TUFM: variants seen among roughly 807,000 people sequenced by gnomAD.
TUFM encodes the protein elongation factor Tu, mitochondrial.
A neutral mutation model predicts 45.0 loss-of-function variants in TUFM; 23 were observed. The observed-to-expected ratio is 0.51, with a 90% confidence interval of 0.37 to 0.72. TUFM has a LOEUF of 0.72. Ranked by LOEUF, TUFM falls within the 30% of genes least tolerant of loss-of-function variation. The pLI is 0.00. For synonymous variants in TUFM, 243 were observed against 252.9 expected, an observed-to-expected ratio of 0.96 and a Z score of 0.37; for missense variants, 490 against 610.7, an observed-to-expected ratio of 0.80 and a Z score of 2.08.
rs760889443 is a variant in TUFM at position 28,846,140 on chromosome 16, A to G, written c.53-34T>C. On this transcript the variant is annotated intron_variant, in intron 1 of 9. Transcript: ENST00000313511. ...ACCGAAGCTTGGAGTCAGGCAGGGA[A>G]GGGGTCAGACCGAACCCAGCCACCT... 1.9e-6 allele frequency: 3 copies of G among 1,611,736 alleles called. No individual in the cohort carries two copies. In the East Asian group the frequency reaches 6.7e-5, roughly 36 times the overall value.
At position 28,843,095 on chromosome 16, in the gene TUFM, T is replaced by A; in HGVS notation, c.1248A>T (p.Pro416=). Residue 416 remains proline, a synonymous_variant, in exon 10 of 10, where the codon CCA becomes CCT. Coordinates refer to ENST00000313511, the MANE Select transcript of TUFM (RefSeq NM_003321.5). ...AACGCTGGCCTTTCTCTAAGATCAT[T>A]GGCTGCCGCAAGATTAGGTTGAACT... ...DLKFNLILRQ[P]MILEKGQRFT... is the part of the protein sequence containing the mutation. 3 of 1,614,228 alleles carry A rather than the reference T, an allele frequency of 1.9e-6. No homozygotes were observed. Among genetic ancestry groups the A allele is most frequent in the Non-Finnish European group, 2.5e-6 (3 of 1,180,038 alleles).
At position 28,845,423 on chromosome 16, in the gene TUFM, G is replaced by A. The variant is rs760784369; in HGVS notation, c.305C>T (p.Pro102Leu). Reference protein sequence around the residue: ...FKKYEEIDNAPEERARGITIN... With the variant: ...FKKYEEIDNALEERARGITIN... ...GGTGATACCCCGAGCTCGCTCCTCC[G>A]GGGCATTGTCAATCTCCTCGTACTT... The change falls in exon 3 of 10, where the codon CCG becomes CTG. Residue 102 changes from proline (P) to leucine (L), a missense_variant. Physicochemically the swap from Pro to Leu is moderately conservative, Grantham distance 98. Transcript: ENST00000313511. 1 of 1,613,878 alleles carries A rather than the reference G, an allele frequency of 6.2e-7. No individual in the cohort carries two copies. Among genetic ancestry groups the A allele is most frequent in the South Asian group, 1.1e-5 (1 of 91,078 alleles).
At position 28,843,980 on chromosome 16, in the gene TUFM, G is replaced by A. The variant is rs1961865156; in HGVS notation, c.1044C>T (p.Ser348=). The change falls in exon 8 of 10, where the codon TCC becomes TCT. Residue 348 remains serine, a synonymous_variant. Transcript: ENST00000313511. ...CCTCCACCTTCTGGTGGGGCTTGAT[G>A]GAACCTGGCTTGACCATGACCAGGC... ...RRGLVMVKPG[S]IKPHQKVEAQ... 5 of 1,614,158 alleles carry A rather than the reference G, an allele frequency of 3.1e-6. No individual in the cohort carries two copies. The East Asian group carries it at 8.9e-5, about 29-fold the overall frequency.
chr16:28,844,435 C>A lies in TUFM; in HGVS notation c.801G>T (p.Ala267=). ...AGTCCTCACCAGGGACGGAGTACAC[C>A]GCCTCCACAGGCAGCAGGAAAGGCT... ...LEKPFLLPVE[A]VYSVPGRGTV... The change falls in exon 6 of 10, where the codon GCG becomes GCT. Residue 267 remains alanine, a synonymous_variant. Transcript: ENST00000313511. This position sits in a 1 kb window ranked among gnomAD's most constrained non-coding sequence, Gnocchi z 5.8. 1 of 1,614,124 alleles carries A rather than the reference C, an allele frequency of 6.2e-7. No individual in the cohort carries two copies. Among genetic ancestry groups the A allele is most frequent in the Non-Finnish European group, 8.5e-7 (1 of 1,180,022 alleles).
rs370847743 is a variant in TUFM, at chr16:28,844,977, G to C, written c.493C>G (p.Arg165Gly). 6.2e-7 allele frequency: 1 copy of C among 1,614,124 alleles called. No individual in the cohort carries two copies. Among genetic ancestry groups the C allele is most frequent in the Non-Finnish European group, 8.5e-7 (1 of 1,180,026 alleles). The change falls in exon 4 of 10, where the codon CGA becomes GGA. Residue 165 changes from arginine to glycine, a missense_variant. Transcript: ENST00000313511. This position sits in a 1 kb window ranked among gnomAD's most constrained non-coding sequence, Gnocchi z 5.8. ...TGTCTGGCCAGTAATAAGTGCTCTC[G>C]GGTCTGGGGCATGGGGCCGTCATTG... ...AANDGPMPQT[R>G]EHLLLARQIG...
intron 3 of TUFM, 99 bp downstream of exon 3, chr16:28,845,215 C>A: frequency 6.2e-7 from 1 of 1,602,354 alleles, no homozygotes; most frequent in South Asian, 1.1e-5. Flanking sequence ...CATCTCATAC[C>A]CAAACACTGA....
chr16:28,844,970 T>C lies in TUFM; in HGVS notation c.500A>G (p.His167Arg). 1 of 1,614,096 alleles carries C rather than the reference T, an allele frequency of 6.2e-7. No homozygotes were observed. The highest frequency in any genetic ancestry group is 8.5e-7 in the Non-Finnish European group (1 of 1,180,006). ...NDGPMPQTRE[H>R]LLLARQIGVE... is the part of the protein sequence containing the mutation. ...GAGTACCTGTCTGGCCAGTAATAAGTGCTCTCGGGTCTGGGGCATGGGGCC... is the reference window on the plus strand; with the variant it reads ...GAGTACCTGTCTGGCCAGTAATAAGCGCTCTCGGGTCTGGGGCATGGGGCC... Residue 167 changes from histidine to arginine, a missense_variant, in exon 4 of 10, where the codon CAC becomes CGC. By Grantham distance (29) the His-to-Arg change is conservative (BLOSUM62 0). Coordinates refer to ENST00000313511, the MANE Select transcript of TUFM (RefSeq NM_003321.5). The surrounding 1 kb of genome is among the most constrained non-coding windows in gnomAD (Gnocchi z 5.8).
intron 2 of TUFM, 140 bp downstream of exon 2, chr16:28,845,770 ATC>A (rs1026364414): frequency 9.4e-7 from 1 of 1,062,748 alleles, no homozygotes; most frequent in Non-Finnish European, 1.4e-6. Context: ...TGTCTCTTGC[ATC>A]TCCCAATCCA....
chr16:28,843,223 G>A, intron 9 of TUFM, 75 bp from the exon 10 acceptor site: 1 of 1,491,214 alleles, frequency 6.7e-7, no homozygotes, highest in Non-Finnish European at 9.3e-7. Context: ...GGCTACCTCG[G>A]AGGTTAAGAG....
Position 28,842,924 on chromosome 16 carries a change from T to C in TUFM, c.*51A>G. On this transcript the variant is annotated 3_prime_UTR_variant, in exon 10 of 10. Transcript: ENST00000313511. ...GGGTACTGGAAGCAGGAGGGAGCCCTGGCTAGGGCAGGCCTTAAACGCAAG... is the reference window on the plus strand; with the variant it reads ...GGGTACTGGAAGCAGGAGGGAGCCCCGGCTAGGGCAGGCCTTAAACGCAAG... The C allele has an allele frequency of 6.2e-7, 1 of 1,611,410 alleles. No homozygotes were observed. The highest frequency in any genetic ancestry group is 8.5e-7 in the Non-Finnish European group (1 of 1,178,822).
In TUFM at chr16:28,844,693, T is replaced by C. The variant is rs749952811; in HGVS notation, c.684+5A>G. The C allele has an allele frequency of 6.2e-7, 1 of 1,614,168 alleles. No homozygotes were observed. Among genetic ancestry groups the C allele is most frequent in the South Asian group, 1.1e-5 (1 of 91,086 alleles). On this transcript the variant is annotated splice_donor_5th_base_variant and intron_variant, in intron 5 of 9. Transcript: ENST00000313511. This position sits in a 1 kb window ranked among gnomAD's most constrained non-coding sequence, Gnocchi z 5.8. ...AGCAGCTGCCCTGCCTGACCCCGCG[T>C]TCACCTCAAGGGCACAGAGAGCAGA...
rs777322797 is a variant in TUFM, at chr16:28,845,998, T to C, written c.161A>G (p.Tyr54Cys). 6.2e-7 allele frequency: 1 copy of C among 1,613,790 alleles called. No homozygotes were observed. Among genetic ancestry groups the C allele is most frequent in the Non-Finnish European group, 8.5e-7 (1 of 1,179,950 alleles). ...RGLAVEAKKT[Y>C]VRDKPHVNVG... ...ATTCACATGTGGCTTGTCGCGCACG[T>C]AAGTCTTCTTGGCCTCCACGGCCAG... The change falls in exon 2 of 10, where the codon TAC (tyrosine) becomes TGC (cysteine). Residue 54 changes from tyrosine to cysteine, a missense_variant. Physicochemically the swap from Tyr to Cys is radical, Grantham distance 194. Coordinates refer to ENST00000313511, the MANE Select transcript of TUFM (RefSeq NM_003321.5).
chr16:28,845,511 TAA>T, intron 2 of TUFM, 31 bp from the exon 3 acceptor site: 1 of 1,613,870 alleles, frequency 6.2e-7, no homozygotes, highest in East Asian at 2.2e-5. Context: ...ACCTCTCAGC[TAA>T]AGTTCCAGTG....
At chr16:28,845,613 G>C in intron 2 of TUFM, 133 bp from the exon 3 acceptor site, 1 of 1,204,504 alleles carries the variant, frequency 8.3e-7, no homozygotes, top group South Asian at 1.3e-5. Context: ...AGAGAGAACT[G>C]TGGGTCAGAA....
chr16:28,844,631 G>A lies in TUFM; in HGVS notation c.684+67C>T, dbSNP rs1961885453. On this transcript the variant is annotated intron_variant, in intron 5 of 9. Coordinates refer to ENST00000313511, the MANE Select transcript of TUFM (RefSeq NM_003321.5). The surrounding 1 kb of genome is among the most constrained non-coding windows in gnomAD (Gnocchi z 5.8). ...TCAAGAGCCACTTCCCAGACACAAAGCAGAGCTCTGGGTGCCCATCCAGCC... is the reference window on the plus strand; with the variant it reads ...TCAAGAGCCACTTCCCAGACACAAAACAGAGCTCTGGGTGCCCATCCAGCC... 1.2e-6 allele frequency: 2 copies of A among 1,613,716 alleles called. No individual in the cohort carries two copies. Among genetic ancestry groups the A allele is most frequent in the African/African-American group, 2.7e-5 (2 of 75,042 alleles).
In TUFM at chr16:28,844,747, T is replaced by G; in HGVS notation, c.635A>C (p.Lys212Thr). The G allele has an allele frequency of 1.2e-6, 2 of 1,614,174 alleles. No individual in the cohort carries two copies. The highest frequency in any genetic ancestry group is 1.7e-6 in the Non-Finnish European group (2 of 1,180,028). The change falls in exon 5 of 10, where the codon AAA (lysine) becomes ACA (threonine). Residue 212 changes from lysine (K) to threonine (T), a missense_variant. Transcript: ENST00000313511. This position sits in a 1 kb window ranked among gnomAD's most constrained non-coding sequence, Gnocchi z 5.8. Reference sequence around the variant, plus strand: ...TACGATGACTGGGGTCTCCTCCCCTTTATAGCCAAACTCGGTGAGCAGCTC... The same window carrying G: ...TACGATGACTGGGGTCTCCTCCCCTGTATAGCCAAACTCGGTGAGCAGCTC... Reference protein sequence around the residue: ...IRELLTEFGYKGEETPVIVGS... With the variant: ...IRELLTEFGYTGEETPVIVGS...
chr16:28,845,130 A>C, intron 3 of TUFM, 75 bp from the exon 4 acceptor site: 1 of 1,583,350 alleles, frequency 6.3e-7, no homozygotes, highest in Non-Finnish European at 8.7e-7. Context: ...CAAGTGTAGC[A>C]GTTAGAAACT....
At chr16:28,843,316 T>C (rs1961847969) in intron 9 of TUFM, among the ~76,000 whole-genome samples, 168 bp from the exon 10 acceptor site, 1 of 152,156 alleles carries the variant, frequency 6.6e-6, no homozygotes, top group South Asian at 2.1e-4. Flanking sequence ...GCAAACAGCA[T>C]ATTGAGACAG....
Position 28,844,029 on chromosome 16 carries a change from A to G in TUFM, c.995T>C (p.Leu332Ser), listed in dbSNP as rs1230428702. Reference protein sequence around the residue: ...GDNLGALVRGLKREDLRRGLV... With the variant: ...GDNLGALVRGSKREDLRRGLV... ...GCCCCGCCGCAAGTCCTCCCGCTTC[A>G]AGCCTCGGACCAGGGCCCCGAGGTT... Residue 332 changes from leucine (L) to serine (S), a missense_variant, in exon 8 of 10, where the codon TTG becomes TCG. Physicochemically the swap from Leu to Ser is moderately radical, Grantham distance 145. Transcript: ENST00000313511. The surrounding 1 kb of genome is among the most constrained non-coding windows in gnomAD (Gnocchi z 5.8). 1.2e-6 allele frequency: 2 copies of G among 1,614,156 alleles called. No individual in the cohort carries two copies. Among genetic ancestry groups the G allele is most frequent in the East Asian group, 2.2e-5 (1 of 44,878 alleles).
Sources: gnomAD v4.1 joint callset for allele counts (sites outside exome capture counted in the v4.1 genomes callset) on GRCh38, gnomAD v4.1.1 for gene constraint, Gnocchi (gnomAD v3.1) non-coding constraint, MANE v1.5 for transcripts, NCBI Gene and HGNC (gene_info 2026-07-23, HGNC 2026-07-21) for gene names.